Variants in DTWD2 observed in about 807,000 individuals in gnomAD.
DTWD2 encodes the protein tRNA-uridine aminocarboxypropyltransferase 2.
A neutral mutation model predicts 31.8 loss-of-function variants in DTWD2; 39 were observed. That is an observed-to-expected ratio of 1.22 (90% CI 0.95 to 1.60). DTWD2 has a LOEUF of 1.60. Ranked by LOEUF, DTWD2 falls within the 40% of genes most tolerant of loss-of-function variation. The probability of loss-of-function intolerance (pLI) is 0.00; values close to 1 mark genes in which losing one functional copy is unlikely to be tolerated. For synonymous variants in DTWD2, 180 were observed against 142.8 expected (o/e 1.26, Z -1.86); for missense variants, 515 against 381.5 (o/e 1.35, Z -2.92).
chr5:118,878,937 G>C (rs1402550050), intron 4 of DTWD2, among the ~76,000 whole-genome samples: 1 of 152,140 alleles, frequency 6.6e-6, no homozygotes, highest in Non-Finnish European at 1.5e-5. Context: ...AGCACAATGA[G>C]ATGCCATCTC....
chr5:118,944,687 A>T (rs1355867082), intron 1 of DTWD2, 38 bp from the exon 2 acceptor site: 15 of 1,594,018 alleles, frequency 9.4e-6, no homozygotes, highest in Non-Finnish European at 1.3e-5. Context: ...GGTAAATTTT[A>T]AAAATACAAT....
At chr5:118,980,578 T>C (rs2149603674) in intron 1 of DTWD2, among the ~76,000 whole-genome samples, 1 of 152,298 alleles carries the variant, frequency 6.6e-6, no homozygotes, top group Non-Finnish European at 1.5e-5. Context: ...ACATTATTAG[T>C]CAGCAAAATA....
intron 4 of DTWD2, among the ~76,000 whole-genome samples, chr5:118,882,182 G>C (rs1752756760): frequency 6.6e-6 from 1 of 152,196 alleles, no homozygotes; most frequent in Non-Finnish European, 1.5e-5. Flanking sequence ...CAGGCCGCAT[G>C]CAAGTCCAAA....
rs530425292 is a variant in DTWD2, at chr5:118,980,273, C to G, written c.218+8021G>C. 7.9e-5 allele frequency among the ~76,000 whole-genome samples: 12 copies of G among 152,340 alleles called. No homozygotes were observed. In the East Asian group the frequency reaches 2.1e-3, roughly 27 times the overall value. ...TAAGTTCAAGGTCCTTCAGCCAGGA[C>G]GCAAACCCACTGTGTGCACAGCATC... is the stretch of plus-strand genomic sequence containing the variant. On this transcript the variant is annotated intron_variant, in intron 1 of 5. Coordinates refer to ENST00000510708, the MANE Select transcript of DTWD2 (RefSeq NM_173666.4).
rs78673312 is a variant in DTWD2, at chr5:118,955,030, A to T, written c.219-10381T>A. Among the ~76,000 whole-genome samples, 1,465 of 152,256 alleles carry T rather than the reference A, an allele frequency of 9.6e-3. 25 individuals carry two copies. The highest frequency in any genetic ancestry group is 0.033 in the African/African-American group (1,389 of 41,542). On this transcript the variant is annotated intron_variant, in intron 1 of 5. Coordinates refer to ENST00000510708, the MANE Select transcript of DTWD2 (RefSeq NM_173666.4). The stretch of plus-strand genomic sequence containing the variant: ...TTTATTATATTTTGTGATCATTTTG[A>T]TAAGTGATCGCACATAAAAGACAAA...
At chr5:118,858,951 T>C (rs138954250) in intron 4 of DTWD2, among the ~76,000 whole-genome samples, 1 of 152,332 alleles carries the variant, frequency 6.6e-6, no homozygotes, top group East Asian at 1.9e-4. Context: ...TCAAAGGTGA[T>C]GTGCTGAGTA....
chr5:118,873,272 G>A (rs1270486528), intron 4 of DTWD2, among the ~76,000 whole-genome samples: 3 of 152,214 alleles, frequency 2.0e-5, no homozygotes, highest in African/African-American at 7.2e-5. Flanking sequence ...TAGGGGAAAT[G>A]TCACACATGA....
intron 3 of DTWD2, among the ~76,000 whole-genome samples, chr5:118,931,751 A>G (rs1477097342): frequency 6.6e-6 from 1 of 152,222 alleles, no homozygotes; most frequent in Non-Finnish European, 1.5e-5. Context: ...TCTAATTGAT[A>G]TTTATAGAAT....
At chr5:118,843,695 C>A (rs188281360) in intron 5 of DTWD2, among the ~76,000 whole-genome samples, 38 of 152,240 alleles carry the variant, frequency 2.5e-4, no homozygotes, top group Non-Finnish European at 5.0e-4. Context: ...TCAAAAGATT[C>A]CAACTTTTAC....
chr5:118,974,965 T>C (rs1368823770), intron 1 of DTWD2, among the ~76,000 whole-genome samples: 1 of 152,254 alleles, frequency 6.6e-6, no homozygotes, highest in East Asian at 1.9e-4. Flanking sequence ...CATTTTTTCC[T>C]TCATTTCAAC....
chr5:118,967,998 G>A (rs537950993), intron 1 of DTWD2, among the ~76,000 whole-genome samples: 9 of 152,156 alleles, frequency 5.9e-5, no homozygotes, highest in Admixed American at 6.5e-5. Flanking sequence ...TGTTAATTTC[G>A]CCAAGAATAA....
rs1751692770 is a variant in DTWD2, at chr5:118,840,760, T to C, written c.*157A>G. ...GCCAGTGAATTTCTGTTTATTTGTA[T>C]TTATGAATATTTGGTTTACTTCCTT... On this transcript the variant is annotated 3_prime_UTR_variant, in exon 6 of 6. Transcript: ENST00000510708. 7.1e-6 allele frequency: 5 copies of C among 699,420 alleles called. No homozygotes were observed. The East Asian group carries it at 1.7e-4, about 24-fold the overall frequency. The allele number at this position is 699,420 out of a possible 1,614,324, so 43.3% of individuals were successfully genotyped here.
rs1032235688 is a variant in DTWD2 at position 118,859,943 on chromosome 5, C to A, written c.598-11725G>T. Among the ~76,000 whole-genome samples the A allele has an allele frequency of 2.6e-5, 4 of 152,026 alleles. No homozygotes were observed. In the South Asian group the frequency reaches 6.2e-4, roughly 24 times the overall value. ...AACCAGCCTAGGCAACATGATAAAT[C>A]CCTATCTCTACAAAAAACACAAAAA... On this transcript the variant is annotated intron_variant, in intron 4 of 5. Coordinates refer to ENST00000510708, the MANE Select transcript of DTWD2 (RefSeq NM_173666.4).
At chr5:118,899,799 CTTTTTTTT>C (rs1163738328) in intron 4 of DTWD2, among the ~76,000 whole-genome samples, 22 of 124,940 alleles carry the variant, frequency 1.8e-4, no homozygotes, top group African/African-American at 2.2e-4. Flanking sequence ...TTCGTTTTTT[CTTTTTTTT>C]TTTTTTTTTT....
intron 3 of DTWD2, among the ~76,000 whole-genome samples, chr5:118,932,158 C>G (rs1482497320): frequency 6.6e-6 from 1 of 152,000 alleles, no homozygotes; most frequent in Non-Finnish European, 1.5e-5. Context: ...TGAGCTTCCT[C>G]CTTAAAAACA....
Position 118,841,044 on chromosome 5 carries a change from T to A in DTWD2, c.770A>T (p.Gln257Leu). The A allele has an allele frequency of 6.2e-7, 1 of 1,613,434 alleles. No homozygotes were observed. Among genetic ancestry groups the A allele is most frequent in the Non-Finnish European group, 8.5e-7 (1 of 1,179,630 alleles). The change falls in exon 6 of 6, where the codon CAG becomes CTG. Residue 257 changes from glutamine (Q) to leucine (L), a missense_variant. Physicochemically the swap from Gln to Leu is moderately radical, Grantham distance 113. Transcript: ENST00000510708. ...GCTGAGGCGAATTTGGGCACCATGC[T>A]GAAGTTGAAAGGAGCATAAAGCTTG... ...PLQALCSFQL[Q>L]HGAQIRLSKE... is the part of the protein sequence containing the mutation.
chr5:118,885,741 G>A (rs1285956123), intron 4 of DTWD2, among the ~76,000 whole-genome samples: 1 of 150,622 alleles, frequency 6.6e-6, no homozygotes, highest in Non-Finnish European at 1.5e-5. Flanking sequence ...ACTCCAGCCT[G>A]GGCAAAAAGA....
At position 118,836,727 on chromosome 5, in the gene DTWD2, A is replaced by T. The variant is rs1751578316; in HGVS notation, c.*4190T>A. ...GATGATTAGGTCATAAGGGTCTCAG[A>T]GAGCTAGCTCGACCCTTCCACTAGG... On this transcript the variant is annotated 3_prime_UTR_variant, in exon 6 of 6. Transcript: ENST00000510708. Among the ~76,000 whole-genome samples the T allele has an allele frequency of 6.6e-6, 1 of 152,196 alleles. No individual in the cohort carries two copies. The highest frequency in any genetic ancestry group is 6.5e-5 in the Admixed American group (1 of 15,278).
chr5:118,931,807 A>T (rs1753930341), intron 3 of DTWD2, among the ~76,000 whole-genome samples: 2 of 152,178 alleles, frequency 1.3e-5, no homozygotes, highest in South Asian at 4.1e-4. Flanking sequence ...TTCACATGAA[A>T]CACTCACCAA....
Sources: gnomAD v4.1 joint callset for allele counts (sites outside exome capture counted in the v4.1 genomes callset) on GRCh38, gnomAD v4.1.1 for gene constraint, MANE v1.5 for transcripts, NCBI Gene and HGNC (gene_info 2026-07-23, HGNC 2026-07-21) for gene names.